Variants in MICAL2 observed in about 807,000 individuals in gnomAD.
MICAL2 encodes [F-actin]-monooxygenase MICAL2.
A neutral mutation model predicts 127.3 loss-of-function variants in MICAL2; 77 were observed. The ratio of observed to expected loss-of-function variants is 0.60; its 90% confidence interval spans 0.50 to 0.73. The LOEUF (loss-of-function observed/expected upper bound fraction) is 0.73, where lower values mean the gene tolerates loss of function less well. MICAL2 is among the 30% of genes least tolerant of loss of function. MICAL2 has a pLI of 0.00. For missense variants in MICAL2, 1,351 were observed against 1,434.4 expected (o/e 0.94, Z 0.94); for synonymous variants, 570 against 551.1 (o/e 1.03, Z -0.48).
At chr11:12,135,723 G>A (rs1254662375) in intron 1 of MICAL2, among the ~76,000 whole-genome samples, 4 of 152,122 alleles carry the variant, frequency 2.6e-5, no homozygotes, top group Non-Finnish European at 5.9e-5. Flanking sequence ...TGCCTCACTG[G>A]GTAGCCTGCA....
At chr11:12,325,628 CT>C (rs1226765771) in intron 31 of MICAL2, among the ~76,000 whole-genome samples, 2 of 152,218 alleles carry the variant, frequency 1.3e-5, no homozygotes, top group African/African-American at 4.8e-5. Flanking sequence ...CATGGTCTTT[CT>C]GTGAGTTCAC....
chr11:12,152,133 CA>C (rs71037057), intron 2 of MICAL2, among the ~76,000 whole-genome samples: 251 of 123,442 alleles, frequency 2.0e-3, no homozygotes, highest in African/African-American at 2.4e-3. Context: ...ACTAAAAATA[CA>C]AAAAAAAAAA....
chr11:12,169,399 T>A (rs563054522), intron 3 of MICAL2, among the ~76,000 whole-genome samples: 1 of 152,178 alleles, frequency 6.6e-6, no homozygotes, highest in East Asian at 1.9e-4. Flanking sequence ...TATTTATTTA[T>A]TTTTGAGATG....
intron 3 of MICAL2, among the ~76,000 whole-genome samples, chr11:12,179,444 C>G (rs1254455293): frequency 6.6e-6 from 1 of 152,184 alleles, no homozygotes; most frequent in East Asian, 1.9e-4. Context: ...AACTGTCCCA[C>G]CTAAACTCCC....
intron 3 of MICAL2, among the ~76,000 whole-genome samples, chr11:12,188,840 A>G (rs1355854510): frequency 1.3e-5 from 2 of 152,244 alleles, no homozygotes; most frequent in African/African-American, 4.8e-5. Context: ...GACACATGGT[A>G]GACCTCCACT....
intron 29 of MICAL2, among the ~76,000 whole-genome samples, chr11:12,313,066 G>A (rs1864192110): frequency 6.6e-6 from 1 of 150,660 alleles, no homozygotes; most frequent in African/African-American, 2.4e-5. Flanking sequence ...TACTGGGGAG[G>A]CTGAGGCAGG....
At chr11:12,292,289 C>A (rs749346988), downstream of MICAL2, 1 of 1,614,112 alleles carries the variant, frequency 6.2e-7, no homozygotes, top group Non-Finnish European at 8.5e-7. Context: ...TGGTTCCTCC[C>A]CGCCTCAGGT....
At chr11:12,356,287 A>G (rs998621807) in intron 34 of MICAL2, among the ~76,000 whole-genome samples, 10 of 152,236 alleles carry the variant, frequency 6.6e-5, no homozygotes, top group Admixed American at 5.9e-4. Flanking sequence ...GAAAAAAAAT[A>G]GGAACTCTTT....
chr11:12,224,530 G>T (rs369923415), intron 12 of MICAL2, 143 bp from the exon 13 acceptor site: 13 of 1,040,180 alleles, frequency 1.2e-5, no homozygotes, highest in Non-Finnish European at 1.5e-5. Flanking sequence ...AGCTGCACCC[G>T]TGCCAGTGGC....
At chr11:12,235,397 G>A (rs767387964) in intron 15 of MICAL2, among the ~76,000 whole-genome samples, 43 of 152,050 alleles carry the variant, frequency 2.8e-4, no homozygotes, top group Non-Finnish European at 4.0e-4. Flanking sequence ...GCTGTGAGGC[G>A]TTCTCAGTAG....
intron 24 of MICAL2, among the ~76,000 whole-genome samples, chr11:12,257,583 C>T (rs2134669029): frequency 6.6e-6 from 1 of 152,296 alleles, no homozygotes. Context: ...CTGGGTTCCA[C>T]TCCAGAGTCT....
chr11:12,229,978 AT>A (rs966262411), intron 15 of MICAL2, among the ~76,000 whole-genome samples: 1 of 152,176 alleles, frequency 6.6e-6, no homozygotes, highest in Non-Finnish European at 1.5e-5. Flanking sequence ...AGTGCCTGGC[AT>A]GGGCATTGTT....
chr11:12,359,063 C>A (rs1246961597), downstream of MICAL2: 1 of 152,246 alleles, frequency 6.6e-6, no homozygotes, highest in African/African-American at 2.4e-5. Flanking sequence ...TTTAATTTAC[C>A]AGGTGCATTT....
At chr11:12,214,570 A>G (rs549731615) in intron 7 of MICAL2, among the ~76,000 whole-genome samples, 2 of 152,364 alleles carry the variant, frequency 1.3e-5, no homozygotes, top group South Asian at 2.1e-4. Flanking sequence ...TTAGCAAACT[A>G]TGGCTGGCCA....
intron 6 of MICAL2, among the ~76,000 whole-genome samples, chr11:12,211,494 G>A (rs1017695600): frequency 6.6e-6 from 1 of 152,230 alleles, no homozygotes; most frequent in Non-Finnish European, 1.5e-5. Context: ...GATGTGTGGG[G>A]CATTCCCAAA....
intron 3 of MICAL2, among the ~76,000 whole-genome samples, chr11:12,178,052 C>T (rs1449276980): frequency 6.6e-6 from 1 of 152,198 alleles, no homozygotes; most frequent in Non-Finnish European, 1.5e-5. Context: ...AGGCTGCTGC[C>T]TGAAAGGCCA....
intron 2 of MICAL2, chr11:12,161,324 C>T (rs1854761314): frequency 6.6e-6 from 1 of 152,230 alleles, no homozygotes; most frequent in Non-Finnish European, 1.5e-5. Flanking sequence ...TTTTCCCTTC[C>T]ATGAGCCGGA....
At chr11:12,203,226 C>A (rs72866058) in intron 3 of MICAL2, among the ~76,000 whole-genome samples, 1 of 152,162 alleles carries the variant, frequency 6.6e-6, no homozygotes, top group Non-Finnish European at 1.5e-5. Flanking sequence ...TGAACATTCA[C>A]GTACAGGATT....
At chr11:12,246,547 C>T (rs1051047775) in intron 21 of MICAL2, among the ~76,000 whole-genome samples, 1 of 152,242 alleles carries the variant, frequency 6.6e-6, no homozygotes, top group African/African-American at 2.4e-5. Context: ...GAGCTTTCTC[C>T]ACCAATGTCA....
Sources: allele counts gnomAD v4.1 joint callset (sites outside exome capture counted in the v4.1 genomes callset), GRCh38; gene constraint gnomAD v4.1.1; transcripts MANE v1.5; gene names NCBI Gene and HGNC (gene_info 2026-07-23, HGNC 2026-07-21).